Variants in PGM5 observed in about 807,000 individuals in gnomAD.
PGM5 encodes phosphoglucomutase-like protein 5.
Under a neutral mutation model 59.2 loss-of-function variants are expected in PGM5, and 23 were observed. The observed-to-expected ratio is 0.39, with a 90% CI of 0.28 to 0.55. The LOEUF is 0.55. PGM5 is among the 20% of genes least tolerant of loss of function. The pLI, the probability that PGM5 is intolerant of heterozygous loss-of-function variation, is 0.66. For missense variants in PGM5, 574 were observed against 748.3 expected (o/e 0.77, Z 2.72); for synonymous variants, 214 against 286.0 (o/e 0.75, Z 2.54).
chr9:68,456,862 G>A lies in PGM5; in HGVS notation c.1044-8231G>A, dbSNP rs533400184. Among the ~76,000 whole-genome samples the A allele has an allele frequency of 5.3e-5, 8 of 150,760 alleles. No homozygotes were observed. In the South Asian group the frequency reaches 1.5e-3, roughly 28 times the overall value. ...GCTGGTTTTGAACTCCTGAACTCAG[G>A]TGATCTACCCTCCTCGGCCTCCCAA... On this transcript the variant is annotated intron_variant, in intron 6 of 10. Transcript: ENST00000396396.
At position 68,437,575 on chromosome 9, in the gene PGM5, ACT is replaced by A. The variant is rs1411220735; in HGVS notation, c.1044-27516_1044-27515del. Among the ~76,000 whole-genome samples the A allele has an allele frequency of 6.0e-5, 9 of 149,010 alleles. No individual in the cohort carries two copies. Among genetic ancestry groups the A allele is most frequent in the Middle Eastern group, 3.2e-3 (1 of 310 alleles). On this transcript the variant is annotated intron_variant, in intron 6 of 10. Transcript: ENST00000396396. This position sits in a 1 kb window ranked among gnomAD's most constrained non-coding sequence, Gnocchi z 4.1. ...ATCAATTTTTCAAAGGGACACACAC[ACT>A]CACACACACACACACACACACACTC... is the stretch of plus-strand genomic sequence containing the variant.
intron 7 of PGM5, among the ~76,000 whole-genome samples, chr9:68,467,111 C>T (rs1002741747): frequency 6.6e-6 from 1 of 152,106 alleles, no homozygotes; most frequent in African/African-American, 2.4e-5. Context: ...AGCTGATCGT[C>T]GCTTGCATAC....
intron 9 of PGM5, among the ~76,000 whole-genome samples, chr9:68,493,872 G>T (rs1318136393): frequency 6.6e-6 from 1 of 152,344 alleles, no homozygotes; most frequent in East Asian, 1.9e-4. Context: ...AAGGATTTTT[G>T]TGTGGAGATA....
At chr9:68,429,125 T>C (rs1472846280) in intron 6 of PGM5, 1 of 152,178 alleles carries the variant, frequency 6.6e-6, no homozygotes, top group African/African-American at 2.4e-5. Context: ...GTTATAAGGA[T>C]TGTACCATCT....
At chr9:68,502,922 C>T (rs1294905017) in intron 10 of PGM5, among the ~76,000 whole-genome samples, 2 of 152,288 alleles carry the variant, frequency 1.3e-5, no homozygotes, top group African/African-American at 4.8e-5. Flanking sequence ...CTCCTGACCT[C>T]AAGTGATCCA....
intron 6 of PGM5, among the ~76,000 whole-genome samples, chr9:68,424,162 A>T (rs1466896446): frequency 6.6e-6 from 1 of 152,184 alleles, no homozygotes; most frequent in Non-Finnish European, 1.5e-5. Context: ...AAAGCCTGAG[A>T]TGTTGTTTAG....
chr9:68,453,537 G>T (rs1273618833), intron 6 of PGM5, among the ~76,000 whole-genome samples: 9 of 151,888 alleles, frequency 5.9e-5, no homozygotes, highest in Non-Finnish European at 1.0e-4. Flanking sequence ...TGAGCCAGGA[G>T]TTTTGCCTAG....
intron 6 of PGM5, among the ~76,000 whole-genome samples, chr9:68,436,587 G>A (rs1206857095): frequency 2.0e-5 from 3 of 152,198 alleles, no homozygotes; most frequent in Non-Finnish European, 4.4e-5. Context: ...TGGTTGTTTA[G>A]CATTTCCTGT....
At chr9:68,512,469 G>A (rs1554689442) in intron 10 of PGM5, among the ~76,000 whole-genome samples, 2 of 152,216 alleles carry the variant, frequency 1.3e-5, no homozygotes. Flanking sequence ...AGTCTGAGAT[G>A]AGTGTGTTGA....
At chr9:68,439,886 AGAAACT>A (rs1554683588) in intron 6 of PGM5, among the ~76,000 whole-genome samples, 1 of 152,074 alleles carries the variant, frequency 6.6e-6, no homozygotes, top group Non-Finnish European at 1.5e-5. Context: ...AAAGTTTTGT[AGAAACT>A]CCTGGGCTCA....
intron 10 of PGM5, among the ~76,000 whole-genome samples, chr9:68,503,012 T>G (rs942758251): frequency 1.3e-5 from 2 of 152,190 alleles, no homozygotes; most frequent in Non-Finnish European, 2.9e-5. Flanking sequence ...TTTGATAAAC[T>G]GTACCTAGAA....
chr9:68,396,743 C>T (rs1822515679), intron 6 of PGM5: 1 of 152,138 alleles, frequency 6.6e-6, no homozygotes, highest in Non-Finnish European at 1.5e-5. Context: ...TTCTTTCTTC[C>T]TAGGTAAAAT....
intron 8 of PGM5, among the ~76,000 whole-genome samples, chr9:68,481,029 T>C (rs1032779066): frequency 3.9e-5 from 6 of 152,216 alleles, no homozygotes; most frequent in African/African-American, 1.4e-4. Context: ...AGAGACTCTG[T>C]ATTAAAAGCA....
At chr9:68,369,754 C>A (rs1554677019) in intron 1 of PGM5, among the ~76,000 whole-genome samples, 1 of 152,166 alleles carries the variant, frequency 6.6e-6, no homozygotes, top group African/African-American at 2.4e-5. Context: ...GAACTCTCAT[C>A]CATCTCTCCA....
At chr9:68,399,200 T>C (rs1420423331) in intron 6 of PGM5, 1 of 152,106 alleles carries the variant, frequency 6.6e-6, no homozygotes, top group African/African-American at 2.4e-5. Context: ...ATTTTGCCCT[T>C]GATTCCCTCA....
chr9:68,416,036 G>T (rs1201618336), intron 6 of PGM5, among the ~76,000 whole-genome samples: 1 of 151,986 alleles, frequency 6.6e-6, no homozygotes, highest in East Asian at 1.9e-4. Flanking sequence ...TGTACTGAAT[G>T]ACATCCAAAT....
At chr9:68,479,802 C>A (rs929923350) in intron 8 of PGM5, among the ~76,000 whole-genome samples, 1 of 151,124 alleles carries the variant, frequency 6.6e-6, no homozygotes, top group Non-Finnish European at 1.5e-5. Context: ...GGCGTAGTGG[C>A]GGGCGCCTGT....
chr9:68,504,821 A>G lies in PGM5; in HGVS notation c.1614+5460A>G, dbSNP rs117203219. ...CCTGTATCCCCAGTGCACCTGGTAC[A>G]TGGTAAATGCCCAACGCAGTTTTGC... is the stretch of plus-strand genomic sequence containing the variant. On this transcript the variant is annotated intron_variant, in intron 10 of 10. Coordinates refer to ENST00000396396, the MANE Select transcript of PGM5 (RefSeq NM_021965.4). Among the ~76,000 whole-genome samples the G allele has an allele frequency of 5.3e-3, 810 of 152,326 alleles. 2 individuals are homozygous for G. Among genetic ancestry groups the G allele is most frequent in the Non-Finnish European group, 8.5e-3 (577 of 68,024 alleles).
chr9:68,357,552 G>A (rs1351134635), intron 1 of PGM5, among the ~76,000 whole-genome samples, 164 bp downstream of exon 1: 1 of 152,276 alleles, frequency 6.6e-6, no homozygotes, highest in Admixed American at 6.5e-5. Flanking sequence ...CTCCCGCCGC[G>A]CTCGCAGCCT....
Sources: allele counts gnomAD v4.1 joint callset (sites outside exome capture counted in the v4.1 genomes callset), GRCh38; gene constraint gnomAD v4.1.1; non-coding constraint Gnocchi (gnomAD v3.1); transcripts MANE v1.5; gene names NCBI Gene and HGNC (gene_info 2026-07-23, HGNC 2026-07-21).